Variants in ANKRD13B observed in about 807,000 individuals in gnomAD.
ANKRD13B encodes ankyrin repeat domain-containing protein 13B.
A neutral mutation model predicts 74.4 loss-of-function variants in ANKRD13B; 33 were observed. The ratio of observed to expected loss-of-function variants is 0.44; its 90% CI spans 0.34 to 0.59. The LOEUF is 0.59. Ranked by LOEUF, ANKRD13B falls within the 20% of genes least tolerant of loss-of-function variation. The probability of loss-of-function intolerance (pLI) is 0.02; values close to 1 mark genes in which losing one functional copy is unlikely to be tolerated. For synonymous variants in ANKRD13B, 341 were observed against 362.9 expected (o/e 0.94, Z 0.68); for missense variants, 676 against 877.9 (o/e 0.77, Z 2.91).
Position 29,613,602 on chromosome 17 carries a change from C to A in ANKRD13B, c.*20C>A. ...CAGTAGCGCCCCCTGCCGGGACCCT[C>A]GCCAGCGCCACGCGCGCCACGCCCA... On this transcript the variant is annotated 3_prime_UTR_variant, in exon 15 of 15. Transcript: ENST00000394859. 4 of 1,401,904 alleles carry A rather than the reference C, an allele frequency of 2.9e-6. No individual in the cohort carries two copies. Among genetic ancestry groups the A allele is most frequent in the Non-Finnish European group, 3.7e-6 (4 of 1,076,826 alleles). 86.8% of individuals were successfully genotyped at this position (1,401,904 alleles called of 1,614,324 possible). A position where few individuals can be genotyped will look rare whatever the true frequency, so the allele number is the denominator to read the frequency against.
In ANKRD13B at chr17:29,609,466, T is replaced by C. The variant is rs201684708; in HGVS notation, c.822+45T>C. The C allele has an allele frequency of 2.8e-3, 4,444 of 1,603,118 alleles. 10 individuals carry two copies. The highest frequency in any genetic ancestry group is 2.8e-3 in the Non-Finnish European group (3,316 of 1,172,662). ...CTGCCAGCCCAGCTGCACTCTTGCC[T>C]ACAGCAAGCTGTACAGGGGATTCTG... On this transcript the variant is annotated intron_variant, in intron 7 of 14. Transcript: ENST00000394859. This position sits in a 1 kb window ranked among gnomAD's most constrained non-coding sequence, Gnocchi z 4.0.
rs376039079 is a variant in ANKRD13B at position 29,610,634 on chromosome 17, C to T, written c.823-51C>T. 7.1e-4 allele frequency: 1,112 copies of T among 1,576,218 alleles called. 2 individuals are homozygous for T. Among genetic ancestry groups the T allele is most frequent in the Non-Finnish European group, 8.2e-4 (950 of 1,151,784 alleles). On this transcript the variant is annotated intron_variant, in intron 7 of 14. Coordinates refer to ENST00000394859, the MANE Select transcript of ANKRD13B (RefSeq NM_152345.5). ...GTTCCCAGTGCCCTTAGGGGTAAGA[C>T]ACAGGGTAAGACCAGAACTGCTTAT...
chr17:29,605,438 A>C (rs2034336089), intron 1 of ANKRD13B, among the ~76,000 whole-genome samples: 1 of 152,016 alleles, frequency 6.6e-6, no homozygotes. Flanking sequence ...ACACACATAC[A>C]CACACACATA....
rs776199636 is a variant in ANKRD13B at position 29,612,209 on chromosome 17, G to A, written c.1194G>A (p.Ala398=). The stretch of plus-strand genomic sequence containing the variant: ...TTGACCTCATGGCCGTCAGCAATGC[G>A]CTTTTTGCCAAGCTCCGGGACTTCA... ...PIIDLMAVSN[A]LFAKLRDFIT... The change falls in exon 11 of 15, where the codon GCG becomes GCA. Residue 398 remains alanine (A), a synonymous_variant. Transcript: ENST00000394859. The surrounding 1 kb of genome is among the most constrained non-coding windows in gnomAD (Gnocchi z 6.1). The A allele has an allele frequency of 6.2e-7, 1 of 1,614,126 alleles. No homozygotes were observed.
At position 29,611,459 on chromosome 17, in the gene ANKRD13B, T is replaced by C; in HGVS notation, c.905-120T>C. ...GAAGGTGCCTGAGTATGTGGTTGGG[T>C]GAGCAGGCCCCACCCCAGGAACCGG... On this transcript the variant is annotated intron_variant, in intron 8 of 14. Coordinates refer to ENST00000394859, the MANE Select transcript of ANKRD13B (RefSeq NM_152345.5). The surrounding 1 kb of genome is among the most constrained non-coding windows in gnomAD (Gnocchi z 4.3). The C allele has an allele frequency of 9.9e-7, 1 of 1,008,782 alleles. No homozygotes were observed. The highest frequency in any genetic ancestry group is 1.5e-6 in the Non-Finnish European group (1 of 653,670). The allele number at this position is 1,008,782 out of a possible 1,614,324, so 62.5% of individuals were successfully genotyped here.
chr17:29,599,595 A>G (rs1430170622), intron 1 of ANKRD13B: 1 of 152,184 alleles, frequency 6.6e-6, no homozygotes, highest in Non-Finnish European at 1.5e-5. Context: ...AATGCAGTAA[A>G]TCCAGGTGAT....
chr17:29,612,243 C>T lies in ANKRD13B; in HGVS notation c.1228C>T (p.Arg410Cys), dbSNP rs371236478. The change falls in exon 11 of 15, where the codon CGT (arginine) becomes TGT (cysteine). Residue 410 changes from arginine to cysteine, a missense_variant. Physicochemically the swap from Arg to Cys is radical, Grantham distance 180. Transcript: ENST00000394859. The surrounding 1 kb of genome is among the most constrained non-coding windows in gnomAD (Gnocchi z 6.1). ...FAKLRDFITL[R>C]LPPGFPVKIE... Reference sequence around the variant, plus strand: ...CAAGCTCCGGGACTTCATCACCCTGCGTCTGCCTCCTGGCTTCCCAGTTAA... The same window carrying T: ...CAAGCTCCGGGACTTCATCACCCTGTGTCTGCCTCCTGGCTTCCCAGTTAA... 1 of 1,614,092 alleles carries T rather than the reference C, an allele frequency of 6.2e-7. No individual in the cohort carries two copies. The highest frequency in any genetic ancestry group is 8.5e-7 in the Non-Finnish European group (1 of 1,180,016).
chr17:29,598,267 G>A (rs1338422661), intron 1 of ANKRD13B, among the ~76,000 whole-genome samples: 1 of 152,082 alleles, frequency 6.6e-6, no homozygotes, highest in Non-Finnish European at 1.5e-5. Flanking sequence ...CCAGGACAAG[G>A]CTATAAAAAT....
At position 29,612,443 on chromosome 17, in the gene ANKRD13B, G is replaced by T; in HGVS notation, c.1300G>T (p.Gly434Trp). Residue 434 changes from glycine (G) to tryptophan (W), a missense_variant, in exon 12 of 15, where the codon GGG becomes TGG. By Grantham distance (184) the Gly-to-Trp change is radical. This residue lies in a region of ANKRD13B where 328 missense variants were observed against 518.4 expected (regional missense o/e 0.63). Coordinates refer to ENST00000394859, the MANE Select transcript of ANKRD13B (RefSeq NM_152345.5). The surrounding 1 kb of genome is among the most constrained non-coding windows in gnomAD (Gnocchi z 6.1). Reference protein sequence around the residue: ...FHILNARITFGNLNGCDEPVP... With the variant: ...FHILNARITFWNLNGCDEPVP... Reference sequence around the variant, plus strand: ...CATCCTCAACGCCCGCATCACCTTCGGGAACCTCAACGGCTGCGACGAACC... The same window carrying T: ...CATCCTCAACGCCCGCATCACCTTCTGGAACCTCAACGGCTGCGACGAACC... The T allele has an allele frequency of 6.2e-7, 1 of 1,609,990 alleles. No homozygotes were observed. The highest frequency in any genetic ancestry group is 8.5e-7 in the Non-Finnish European group (1 of 1,178,228).
intron 14 of ANKRD13B, 50 bp from the exon 15 acceptor site, chr17:29,613,304 C>T: frequency 1.4e-6 from 2 of 1,385,342 alleles, no homozygotes; most frequent in Non-Finnish European, 1.9e-6. Flanking sequence ...CGGCCCCGGC[C>T]GGTGGGTGGG....
intron 1 of ANKRD13B, among the ~76,000 whole-genome samples, chr17:29,598,723 T>A (rs546757154): frequency 6.6e-6 from 1 of 150,884 alleles, no homozygotes; most frequent in African/African-American, 2.4e-5. Context: ...AATTTTTGTA[T>A]TTTTTTTTGT....
chr17:29,613,133 G>C, intron 14 of ANKRD13B, 170 bp downstream of exon 14: 1 of 1,164,586 alleles, frequency 8.6e-7, no homozygotes, highest in Non-Finnish European at 1.2e-6. Flanking sequence ...AGGGATCCAG[G>C]CTTCACCGCG....
chr17:29,599,743 T>C (rs1349914052), intron 1 of ANKRD13B, among the ~76,000 whole-genome samples: 1 of 152,070 alleles, frequency 6.6e-6, no homozygotes, highest in African/African-American at 2.4e-5. Flanking sequence ...CCCATTTTGT[T>C]TCATGAATTC....
intron 1 of ANKRD13B, chr17:29,599,518 A>C (rs1239871618): frequency 6.6e-6 from 1 of 152,104 alleles, no homozygotes; most frequent in Non-Finnish European, 1.5e-5. Context: ...GATGGGTTAG[A>C]TGTGGAGGGT....
chr17:29,593,684 C>T lies in ANKRD13B; in HGVS notation c.63C>T (p.Leu21=), dbSNP rs1262905198. ...AGGGCAAGTATCCGCTGCACTACCT[C>T]GTGTGGCACAACCGCCACCGCGAGC... The part of the protein sequence containing the change: ...GPEGKYPLHY[L]VWHNRHRELE... Residue 21 remains leucine, a synonymous_variant, in exon 1 of 15, where the codon CTC becomes CTT. Coordinates refer to ENST00000394859, the MANE Select transcript of ANKRD13B (RefSeq NM_152345.5). 3.5e-6 allele frequency: 5 copies of T among 1,446,090 alleles called. No homozygotes were observed. Among genetic ancestry groups the T allele is most frequent in the Non-Finnish European group, 4.6e-6 (5 of 1,091,220 alleles). The allele number at this position is 1,446,090 out of a possible 1,614,324, so 89.6% of individuals were successfully genotyped here.
At position 29,612,831 on chromosome 17, in the gene ANKRD13B, C is replaced by T; in HGVS notation, c.1575+16C>T. On this transcript the variant is annotated intron_variant, in intron 13 of 14. Transcript: ENST00000394859. This position sits in a 1 kb window ranked among gnomAD's most constrained non-coding sequence, Gnocchi z 6.1. ...GTATGACCAGGTGCGTCTCCGCGGGCGCGCGGGGCCACGGGACTCCGCGCC... is the reference window on the plus strand; with the variant it reads ...GTATGACCAGGTGCGTCTCCGCGGGTGCGCGGGGCCACGGGACTCCGCGCC... 1 of 1,600,028 alleles carries T rather than the reference C, an allele frequency of 6.2e-7. No individual in the cohort carries two copies. The highest frequency in any genetic ancestry group is 8.5e-7 in the Non-Finnish European group (1 of 1,178,140).
intron 1 of ANKRD13B, among the ~76,000 whole-genome samples, chr17:29,598,218 T>C (rs2034027852): frequency 6.6e-6 from 1 of 152,188 alleles, no homozygotes; most frequent in Non-Finnish European, 1.5e-5. Context: ...GCCCGCTGGT[T>C]TTTTTGAGGC....
rs555637001 is a variant in ANKRD13B, at chr17:29,602,167, G to A, written c.115-5575G>A. Among the ~76,000 whole-genome samples, 336 of 152,040 alleles carry A rather than the reference G, an allele frequency of 2.2e-3. 1 individual carries two copies. The highest frequency in any genetic ancestry group is 7.8e-3 in the African/African-American group (324 of 41,468). On this transcript the variant is annotated intron_variant, in intron 1 of 14. Coordinates refer to ENST00000394859, the MANE Select transcript of ANKRD13B (RefSeq NM_152345.5). The stretch of plus-strand genomic sequence containing the variant: ...TCCCAGCATTTTGGGAGGCCGAGGC[G>A]GGCGGATCACGAGGTCAGGAGATCG...
intron 1 of ANKRD13B, among the ~76,000 whole-genome samples, chr17:29,604,784 C>T (rs1157320651): frequency 1.3e-5 from 2 of 152,112 alleles, no homozygotes; most frequent in Non-Finnish European, 2.9e-5. Flanking sequence ...CTCAGGTGAT[C>T]TGCCCGCCTC....
Sources: allele counts gnomAD v4.1 joint callset (sites outside exome capture counted in the v4.1 genomes callset), GRCh38; gene constraint gnomAD v4.1.1; regional missense constraint gnomAD v4.1.1; non-coding constraint Gnocchi (gnomAD v3.1); transcripts MANE v1.5; gene names NCBI Gene and HGNC (gene_info 2026-07-23, HGNC 2026-07-21).